CERS6: variants seen among roughly 807,000 people sequenced by gnomAD.
CERS6 encodes the protein ceramide synthase 6.
CERS6 carries 26 observed loss-of-function variants against 56.8 expected under a neutral mutation model. The ratio of observed to expected loss-of-function variants is 0.46; its 90% CI spans 0.34 to 0.63. The LOEUF is 0.63. Among genes scored for constraint, CERS6 ranks in the 30% least tolerant of loss-of-function variants. The probability of loss-of-function intolerance (pLI) is 0.01; values close to 1 mark genes in which losing one functional copy is unlikely to be tolerated. For synonymous variants in CERS6, 164 were observed against 173.3 expected, an observed-to-expected ratio of 0.95 and a Z score of 0.42; for missense variants, 415 against 467.5, an observed-to-expected ratio of 0.89 and a Z score of 1.04.
intron 3 of CERS6, among the ~76,000 whole-genome samples, chr2:168,623,703 A>C (rs1222208805): frequency 6.8e-6 from 1 of 147,184 alleles, no homozygotes; most frequent in Non-Finnish European, 1.5e-5. Flanking sequence ...TTTAGATGTC[A>C]ATCTGTAAAA....
At chr2:168,684,482 A>T (rs2105353914) in intron 4 of CERS6, among the ~76,000 whole-genome samples, 1 of 152,352 alleles carries the variant, frequency 6.6e-6, no homozygotes, top group Admixed American at 6.5e-5. Context: ...GTTATTTTAT[A>T]ATGTGTATCT....
chr2:168,514,206 C>T (rs532517233), intron 1 of CERS6, among the ~76,000 whole-genome samples: 1 of 152,266 alleles, frequency 6.6e-6, no homozygotes, highest in East Asian at 1.9e-4. Flanking sequence ...ATTTTAAACC[C>T]TTCTTTGCTC....
chr2:168,665,193 A>G (rs572244778), intron 4 of CERS6, among the ~76,000 whole-genome samples: 2 of 152,178 alleles, frequency 1.3e-5, no homozygotes, highest in African/African-American at 4.8e-5. Context: ...TTACTGGTAA[A>G]CAGCCACAAA....
chr2:168,745,205 G>T (rs975023329), intron 8 of CERS6, among the ~76,000 whole-genome samples: 1 of 151,980 alleles, frequency 6.6e-6, no homozygotes, highest in African/African-American at 2.4e-5. Flanking sequence ...TATGTATTAT[G>T]TACATGCTCC....
intron 6 of CERS6, among the ~76,000 whole-genome samples, chr2:168,697,553 C>CTTT (rs113250500): frequency 0.31 from 43,312 of 140,988 alleles, 8,065 homozygotes; most frequent in South Asian, 0.43. Flanking sequence ...AACATTCTTC[C>CTTT]TTTTTTTTTT....
chr2:168,590,601 T>C (rs975352502), intron 3 of CERS6, among the ~76,000 whole-genome samples: 60 of 152,198 alleles, frequency 3.9e-4, no homozygotes, highest in African/African-American at 1.4e-3. Context: ...TTAGTATAAT[T>C]AGTGAAAGCA....
At chr2:168,692,855 C>G (rs942912973) in intron 5 of CERS6, among the ~76,000 whole-genome samples, 1 of 152,018 alleles carries the variant, frequency 6.6e-6, no homozygotes, top group African/African-American at 2.4e-5. Context: ...GATTCCTGTT[C>G]CAAGTCAGTC....
intron 1 of CERS6, among the ~76,000 whole-genome samples, chr2:168,464,211 T>TGTGTGTGTGTGA (rs938428488): frequency 6.7e-6 from 1 of 148,940 alleles, no homozygotes; most frequent in Non-Finnish European, 1.5e-5. Flanking sequence ...TGTGTGTGTG[T>TGTGTGTGTGTGA]GACAAGGGTC....
chr2:168,500,603 G>A (rs976886498), intron 1 of CERS6, among the ~76,000 whole-genome samples: 2 of 152,138 alleles, frequency 1.3e-5, no homozygotes, highest in Non-Finnish European at 2.9e-5. Flanking sequence ...ACAAGGAGGT[G>A]GGAGAAGGCT....
intron 1 of CERS6, among the ~76,000 whole-genome samples, chr2:168,467,271 T>A (rs964314379): frequency 6.6e-6 from 1 of 152,218 alleles, no homozygotes; most frequent in Non-Finnish European, 1.5e-5. Context: ...GCTCTGTAGA[T>A]CTTGTTTTAA....
chr2:168,588,080 A>ATT (rs11396816), intron 3 of CERS6, among the ~76,000 whole-genome samples: 1,453 of 138,502 alleles, frequency 0.01, 17 homozygotes, highest in Middle Eastern at 0.027. Context: ...TACCTGGCTA[A>ATT]TTTTTTTTTT....
At chr2:168,637,395 T>A (rs1460704445) in intron 4 of CERS6, among the ~76,000 whole-genome samples, 1 of 152,056 alleles carries the variant, frequency 6.6e-6, no homozygotes. Context: ...GGCAGGAGAA[T>A]TGCTTGAGCC....
intron 3 of CERS6, among the ~76,000 whole-genome samples, chr2:168,575,466 G>A (rs79029503): frequency 3.9e-5 from 6 of 151,934 alleles, no homozygotes; most frequent in Admixed American, 1.3e-4. Context: ...ATCAGCTTTC[G>A]TGAGAACTCA....
rs902484970 is a variant in CERS6 at position 168,670,653 on chromosome 2, AT to A, written c.466-20378del. Among the ~76,000 whole-genome samples the A allele has an allele frequency of 6.2e-4, 94 of 152,126 alleles. 5 individuals are homozygous for A. The highest frequency in any genetic ancestry group is 1.8e-4 in the Non-Finnish European group (12 of 68,028). On this transcript the variant is annotated intron_variant, in intron 4 of 9. Transcript: ENST00000305747. ...AAAAGTGAAAGTTACAATGATAGTG[AT>A]TTCCTTCAGGCTTTTGCTCAAAGGT...
At chr2:168,503,534 T>C (rs1360755583) in intron 1 of CERS6, among the ~76,000 whole-genome samples, 6 of 152,200 alleles carry the variant, frequency 3.9e-5, no homozygotes, top group Admixed American at 3.9e-4. Context: ...ATTCCATTAT[T>C]AATGTTTTGG....
intron 1 of CERS6, among the ~76,000 whole-genome samples, chr2:168,515,557 G>C (rs1243773159): frequency 6.6e-6 from 1 of 152,212 alleles, no homozygotes; most frequent in Non-Finnish European, 1.5e-5. Context: ...GCAAGATCAT[G>C]ATCCATTCAT....
At chr2:168,673,709 C>T (rs957454044) in intron 4 of CERS6, among the ~76,000 whole-genome samples, 1 of 152,166 alleles carries the variant, frequency 6.6e-6, no homozygotes, top group African/African-American at 2.4e-5. Context: ...CCTGCTTTTT[C>T]AGTAATTGCA....
intron 1 of CERS6, among the ~76,000 whole-genome samples, chr2:168,522,739 G>C (rs1315796662): frequency 1.3e-5 from 2 of 152,106 alleles, no homozygotes; most frequent in African/African-American, 4.8e-5. Context: ...TGTAGAGACA[G>C]GGTCTCACTT....
chr2:168,730,618 A>C (rs1220602382), intron 8 of CERS6, among the ~76,000 whole-genome samples: 3 of 152,186 alleles, frequency 2.0e-5, no homozygotes, highest in Non-Finnish European at 4.4e-5. Context: ...CATCAGGCTT[A>C]CTGTGTTGTC....
Sources: gnomAD v4.1 joint callset for allele counts (sites outside exome capture counted in the v4.1 genomes callset) on GRCh38, gnomAD v4.1.1 for gene constraint, MANE v1.5 for transcripts, NCBI Gene and HGNC (gene_info 2026-07-23, HGNC 2026-07-21) for gene names.